PCSK9: variants seen among roughly 807,000 people sequenced by gnomAD.
PCSK9 encodes convertase subtilisin/kexin type 9 preproprotein.
In PCSK9, 57 loss-of-function variants were observed where a neutral mutation model predicts 62.1. The observed-to-expected ratio is 0.92, with a 90% CI of 0.74 to 1.14. The LOEUF (loss-of-function observed/expected upper bound fraction) is 1.14, where lower values mean the gene tolerates loss of function less well. Among genes scored for constraint, PCSK9 ranks in the 50% most tolerant of loss-of-function variants. PCSK9 has a pLI of 0.00. For synonymous variants in PCSK9, 387 were observed against 409.4 expected (o/e 0.95, Z 0.66); for missense variants, 870 against 959.8 (o/e 0.91, Z 1.24).
intron 1 of PCSK9, 117 bp from the exon 2 acceptor site, chr1:55,043,726 C>T: frequency 3.2e-6 from 4 of 1,245,906 alleles, no homozygotes; most frequent in Non-Finnish European, 4.6e-6. Context: ...TCTTTATCAT[C>T]TACTATACTC....
chr1:55,060,519 G>C (rs753856645), intron 10 of PCSK9, among the ~76,000 whole-genome samples: 3 of 152,202 alleles, frequency 2.0e-5, no homozygotes, highest in African/African-American at 7.2e-5. Context: ...GCATAGTCAG[G>C]TGGCTGGTGC....
chr1:55,043,698 G>A lies in PCSK9; in HGVS notation c.208-145G>A, dbSNP rs1033935809. Reference sequence around the variant, plus strand: ...ATATGAGTTCTTTAATTTGCTTTTTGGTCCGCATTTGGTAACTTCTTTATC... The same window carrying A: ...ATATGAGTTCTTTAATTTGCTTTTTAGTCCGCATTTGGTAACTTCTTTATC... On this transcript the variant is annotated intron_variant, in intron 1 of 11. Transcript: ENST00000302118. 4 of 931,184 alleles carry A rather than the reference G, an allele frequency of 4.3e-6. No individual in the cohort carries two copies. The African/African-American group carries it at 6.7e-5, about 16-fold the overall frequency. The allele number at this position is 931,184 out of a possible 1,614,324, so 57.7% of individuals were successfully genotyped here.
rs563834186 is a variant in PCSK9 at position 55,064,023 on chromosome 1, C to T, written c.*439C>T. The T allele has an allele frequency of 6.3e-5, 11 of 175,932 alleles. No individual in the cohort carries two copies. Among genetic ancestry groups the T allele is most frequent in the African/African-American group, 2.4e-4 (10 of 42,302 alleles). The allele number at this position is 175,932 out of a possible 1,614,324, so 10.9% of individuals were successfully genotyped here. Reference sequence around the variant, plus strand: ...CGGTAGGGGCTGCAGGGACAAACATCGTTGGGGGGTGAGTGTGAAAGGTGC... The same window carrying T: ...CGGTAGGGGCTGCAGGGACAAACATTGTTGGGGGGTGAGTGTGAAAGGTGC... On this transcript the variant is annotated 3_prime_UTR_variant, in exon 12 of 12. Coordinates refer to ENST00000302118, the MANE Select transcript of PCSK9 (RefSeq NM_174936.4).
At chr1:55,058,429 T>C in intron 8 of PCSK9, 70 bp from the exon 9 acceptor site, 3 of 1,605,250 alleles carry the variant, frequency 1.9e-6, no homozygotes, top group East Asian at 4.5e-5. Flanking sequence ...TCTCCTACCA[T>C]GAACTAAAGA....
chr1:55,063,636 C>A lies in PCSK9; in HGVS notation c.*52C>A. Reference sequence around the variant, plus strand: ...GGGAGGGTCAAGGGCTGGGGCTGAGCTTTAAAATGGTTCCGACTTGTCCCT... The same window carrying A: ...GGGAGGGTCAAGGGCTGGGGCTGAGATTTAAAATGGTTCCGACTTGTCCCT... On this transcript the variant is annotated 3_prime_UTR_variant, in exon 12 of 12. Transcript: ENST00000302118. 1 of 1,565,902 alleles carries A rather than the reference C, an allele frequency of 6.4e-7. No homozygotes were observed. Among genetic ancestry groups the A allele is most frequent in the Non-Finnish European group, 8.7e-7 (1 of 1,153,304 alleles).
At chr1:55,041,336 G>A (rs1644596918) in intron 1 of PCSK9, among the ~76,000 whole-genome samples, 1 of 152,232 alleles carries the variant, frequency 6.6e-6, no homozygotes, top group Non-Finnish European at 1.5e-5. Context: ...ACTCAGCTCA[G>A]TATAGCCCTC....
At chr1:55,048,283 G>A (rs1008976718) in intron 3 of PCSK9, among the ~76,000 whole-genome samples, 2 of 152,170 alleles carry the variant, frequency 1.3e-5, no homozygotes, top group African/African-American at 4.8e-5. Flanking sequence ...ATTGGATTTA[G>A]GGCCCACTGG....
chr1:55,039,721 C>A lies in PCSK9; in HGVS notation c.-117C>A. On this transcript the variant is annotated 5_prime_UTR_variant, in exon 1 of 12. Coordinates refer to ENST00000302118, the MANE Select transcript of PCSK9 (RefSeq NM_174936.4). Reference sequence around the variant, plus strand: ...CGCGCGCCCCTTCACGCGCCCTGCTCCTGAACTTCAGCTCCTGCACAGTCC... The same window carrying A: ...CGCGCGCCCCTTCACGCGCCCTGCTACTGAACTTCAGCTCCTGCACAGTCC... 7.9e-7 allele frequency: 1 copy of A among 1,267,956 alleles called. No individual in the cohort carries two copies. The highest frequency in any genetic ancestry group is 1.1e-6 in the Non-Finnish European group (1 of 906,694). The allele number at this position is 1,267,956 out of a possible 1,614,324, so 78.5% of individuals were successfully genotyped here. A position where few individuals can be genotyped will look rare whatever the true frequency, so the allele number is the denominator to read the frequency against.
intron 3 of PCSK9, 71 bp downstream of exon 3, chr1:55,046,717 T>C: frequency 6.4e-7 from 1 of 1,574,110 alleles, no homozygotes; most frequent in Non-Finnish European, 8.7e-7. Context: ...TGGCCTGGCC[T>C]CCCTGCTGGT....
chr1:55,057,345 G>T lies in PCSK9; in HGVS notation c.1011G>T (p.Gly337=), dbSNP rs746723269. ...PASAPEVITV[G]ATNAQDQPVT... is the part of the protein sequence containing the mutation. The stretch of plus-strand genomic sequence containing the variant: ...CACCTTTCCAGGTCATCACAGTTGG[G>T]GCCACCAATGCCCAAGACCAGCCGG... The change falls in exon 7 of 12, where the codon GGG becomes GGT. Residue 337 remains glycine, a synonymous_variant. Coordinates refer to ENST00000302118, the MANE Select transcript of PCSK9 (RefSeq NM_174936.4). 5 of 1,613,952 alleles carry T rather than the reference G, an allele frequency of 3.1e-6. No individual in the cohort carries two copies. The highest frequency in any genetic ancestry group is 1.6e-4 in the Middle Eastern group (1 of 6,062).
chr1:55,060,595 C>G (rs750686192), intron 10 of PCSK9, among the ~76,000 whole-genome samples: 7 of 152,130 alleles, frequency 4.6e-5, no homozygotes, highest in Non-Finnish European at 1.0e-4. Context: ...CCGCCATGCT[C>G]TAATCACGCT....
rs28362284 is a variant in PCSK9, at chr1:55,063,331, C to T, written c.1864-38C>T. The T allele has an allele frequency of 4.8e-4, 764 of 1,600,092 alleles. 1 individual carries two copies. The African/African-American group carries it at 5.2e-3, about 11-fold the overall frequency. On this transcript the variant is annotated intron_variant, in intron 11 of 11. Transcript: ENST00000302118. ...AAGTGTGGGTGGGGGTCCCGGGCCA[C>T]GCTAGACATGTGCTTTCTTTTCCTC...
intron 6 of PCSK9, among the ~76,000 whole-genome samples, 196 bp downstream of exon 6, chr1:55,056,385 G>A (rs1268344151): frequency 6.6e-6 from 1 of 152,202 alleles, no homozygotes; most frequent in South Asian, 2.1e-4. Flanking sequence ...GAAGGGGCTC[G>A]AAACCTCCAT....
intron 6 of PCSK9, among the ~76,000 whole-genome samples, chr1:55,056,460 G>A (rs1047965519): frequency 4.6e-5 from 7 of 152,068 alleles, no homozygotes; most frequent in Admixed American, 3.3e-4. Context: ...ACGTAGCCAC[G>A]CCCCCACACC....
chr1:55,059,624 A>T lies in PCSK9; in HGVS notation c.1642A>T (p.Thr548Ser). The change falls in exon 10 of 12, where the codon ACC becomes TCC. Residue 548 changes from threonine to serine, a missense_variant. By Grantham distance (58) the Thr-to-Ser change is moderately conservative (BLOSUM62 1). Transcript: ENST00000302118. ...TCCACCAGCTGAGGCCAGCATGGGG[A>T]CCCGTGTCCACTGCCACCAACAGGG... ...TAPPAEASMGTRVHCHQQGHV... is the reference protein window; with the variant it reads ...TAPPAEASMGSRVHCHQQGHV... 6.4e-7 allele frequency: 1 copy of T among 1,551,742 alleles called. No individual in the cohort carries two copies.
At chr1:55,059,912 G>A (rs2100332151) in intron 10 of PCSK9, among the ~76,000 whole-genome samples, 1 of 152,358 alleles carries the variant, frequency 6.6e-6, no homozygotes, top group East Asian at 1.9e-4. Context: ...AAGGAGATGG[G>A]CAGCATCTAG....
In PCSK9 at chr1:55,039,979, G is replaced by A. The variant is rs1278890129; in HGVS notation, c.142G>A (p.Glu48Lys). The A allele has an allele frequency of 5.1e-6, 8 of 1,580,928 alleles. No individual in the cohort carries two copies. The highest frequency in any genetic ancestry group is 4.6e-5 in the South Asian group (4 of 86,182). The change falls in exon 1 of 12, where the codon GAG (glutamate) becomes AAG (lysine). Residue 48 changes from glutamate (E) to lysine (K), a missense_variant. Transcript: ENST00000302118. ...YEELVLALRSEEDGLAEAPEH... is the reference protein window; with the variant it reads ...YEELVLALRSKEDGLAEAPEH... ...GGAGCTGGTGCTAGCCTTGCGTTCCGAGGAGGACGGCCTGGCCGAAGCACC... is the reference window on the plus strand; with the variant it reads ...GGAGCTGGTGCTAGCCTTGCGTTCCAAGGAGGACGGCCTGGCCGAAGCACC...
intron 5 of PCSK9, among the ~76,000 whole-genome samples, chr1:55,054,226 A>G (rs532709577): frequency 7.9e-5 from 12 of 152,124 alleles, no homozygotes; most frequent in Non-Finnish European, 1.2e-4. Context: ...TCTACTAAAA[A>G]TACAAAAATT....
intron 3 of PCSK9, among the ~76,000 whole-genome samples, chr1:55,049,504 T>G (rs1242565835): frequency 6.6e-6 from 1 of 152,218 alleles, no homozygotes; most frequent in Non-Finnish European, 1.5e-5. Context: ...TCTTTGCCCC[T>G]GAGAGTGGTG....
Sources: allele counts gnomAD v4.1 joint callset (sites outside exome capture counted in the v4.1 genomes callset), GRCh38; gene constraint gnomAD v4.1.1; transcripts MANE v1.5; gene names NCBI Gene and HGNC (gene_info 2026-07-23, HGNC 2026-07-21).